Variants in STK32B observed in about 807,000 individuals in gnomAD.
STK32B encodes serine/threonine kinase 32B.
A neutral mutation model predicts 52.6 loss-of-function variants in STK32B; 43 were observed. The observed-to-expected ratio is 0.82, with a 90% CI of 0.64 to 1.05. STK32B has a LOEUF of 1.05. Among genes scored for constraint, STK32B ranks in the 50% least tolerant of loss-of-function variants. The probability of loss-of-function intolerance (pLI) is 0.00; values close to 1 mark genes in which losing one functional copy is unlikely to be tolerated. For synonymous variants in STK32B, 238 were observed against 204.3 expected (o/e 1.17, Z -1.41); for missense variants, 621 against 534.6 (o/e 1.16, Z -1.59).
chr4:5,032,072 A>G, the STK32B span, among the ~76,000 whole-genome samples: 1 of 152,188 alleles, frequency 6.6e-6, no homozygotes, highest in African/African-American at 2.4e-5. Context: ...TTAGCTAAAC[A>G]AATACGTTTT....
intron 3 of STK32B, among the ~76,000 whole-genome samples, chr4:5,174,797 G>C (rs1010146030): frequency 6.6e-6 from 1 of 152,028 alleles, no homozygotes; most frequent in African/African-American, 2.4e-5. Flanking sequence ...TGCTCTTCTC[G>C]AGGAGTATCT....
upstream of STK32B, among the ~76,000 whole-genome samples, chr4:5,046,896 T>C (rs1277578948): frequency 6.6e-6 from 1 of 152,212 alleles, no homozygotes; most frequent in Non-Finnish European, 1.5e-5. Context: ...GGTGAGAATG[T>C]AAATTAGTTC....
At chr4:5,084,935 T>TTTG (rs991446683) in intron 1 of STK32B, among the ~76,000 whole-genome samples, 1 of 152,212 alleles carries the variant, frequency 6.6e-6, no homozygotes, top group African/African-American at 2.4e-5. Flanking sequence ...ATATTTAATG[T>TTTG]AGCAAGGGCC....
At chr4:5,081,263 G>A (rs555105944) in intron 1 of STK32B, among the ~76,000 whole-genome samples, 74 of 152,212 alleles carry the variant, frequency 4.9e-4, no homozygotes, top group African/African-American at 1.7e-3. Flanking sequence ...TATGTGTAGT[G>A]AGTATCTTTT....
chr4:5,438,107 C>A (rs771809947), intron 6 of STK32B: 2 of 985,462 alleles, frequency 2.0e-6, no homozygotes, highest in African/African-American at 3.5e-5. Flanking sequence ...TCGGCACACA[C>A]AGCCATTCTG....
intron 11 of STK32B, among the ~76,000 whole-genome samples, chr4:5,487,533 C>T (rs760167004): frequency 1.2e-4 from 19 of 152,108 alleles, no homozygotes; most frequent in Non-Finnish European, 1.8e-4. Flanking sequence ...CTGGGTGAGA[C>T]GTGTTGTAGC....
chr4:5,339,755 G>A (rs1465554924), intron 4 of STK32B, among the ~76,000 whole-genome samples: 1 of 152,124 alleles, frequency 6.6e-6, no homozygotes, highest in Non-Finnish European at 1.5e-5. Context: ...TTTGGACCTC[G>A]ATTTTCTAAT....
chr4:5,272,885 A>C (rs896968031), intron 3 of STK32B, among the ~76,000 whole-genome samples: 3 of 144,130 alleles, frequency 2.1e-5, no homozygotes, highest in Admixed American at 7.0e-5. Flanking sequence ...AACCATAAAA[A>C]CCCTAGAAGA....
rs116771196 is a variant in STK32B, at chr4:5,330,479, A to C, written c.261-741A>C. On this transcript the variant is annotated intron_variant, in intron 3 of 11. Coordinates refer to ENST00000282908, the MANE Select transcript of STK32B (RefSeq NM_018401.3). ...CACCCTAAAACTTAATGGTGTGAAAACACCACCATTTAATCATCTCATGTT... is the reference window on the plus strand; with the variant it reads ...CACCCTAAAACTTAATGGTGTGAAACCACCACCATTTAATCATCTCATGTT... Among the ~76,000 whole-genome samples the C allele has an allele frequency of 8.1e-3, 1,227 of 152,256 alleles. 13 individuals carry two copies. The highest frequency in any genetic ancestry group is 0.028 in the African/African-American group (1,179 of 41,546).
Position 5,051,704 on chromosome 4 carries a change from C to T in STK32B, c.-160C>T, listed in dbSNP as rs1290899559. 9.4e-6 allele frequency: 8 copies of T among 847,864 alleles called. No individual in the cohort carries two copies. The highest frequency in any genetic ancestry group is 1.0e-5 in the Non-Finnish European group (6 of 573,934). 52.5% of individuals were successfully genotyped at this position (847,864 alleles called of 1,614,324 possible). Reference sequence around the variant, plus strand: ...AGGGCGTCCAGGAGAAGGGGGACGCCGTCCCCGCCCCTGCACGGTGCTCGG... The same window carrying T: ...AGGGCGTCCAGGAGAAGGGGGACGCTGTCCCCGCCCCTGCACGGTGCTCGG... On this transcript the variant is annotated 5_prime_UTR_variant, in exon 1 of 12. Transcript: ENST00000282908.
chr4:5,360,908 T>C (rs1037751067), intron 4 of STK32B, among the ~76,000 whole-genome samples: 1 of 152,218 alleles, frequency 6.6e-6, no homozygotes, highest in African/African-American at 2.4e-5. Flanking sequence ...AAGTCCATTG[T>C]CAATGCTGTG....
chr4:5,403,695 G>A (rs569898586), intron 5 of STK32B, among the ~76,000 whole-genome samples: 2 of 152,286 alleles, frequency 1.3e-5, no homozygotes, highest in African/African-American at 4.8e-5. Flanking sequence ...GGCCATCCAT[G>A]TCAGCACCCA....
chr4:5,077,976 C>T (rs1196276313), intron 1 of STK32B, among the ~76,000 whole-genome samples: 1 of 152,104 alleles, frequency 6.6e-6, no homozygotes, highest in Admixed American at 6.5e-5. Context: ...TCATTGAAAA[C>T]CCTGGTTCTT....
In STK32B at chr4:5,467,793, T is replaced by C. The variant is rs1717559742; in HGVS notation, c.1042-213T>C. On this transcript the variant is annotated intron_variant, in intron 10 of 11. Coordinates refer to ENST00000282908, the MANE Select transcript of STK32B (RefSeq NM_018401.3). The surrounding 1 kb of genome is among the most constrained non-coding windows in gnomAD (Gnocchi z 5.8). ...GGCTTTTAAGTTGGATTTCATGGCT[T>C]AACGTGGAGAAAAGCATCTTTGTCC... 6.6e-6 allele frequency among the ~76,000 whole-genome samples: 1 copy of C among 152,100 alleles called. No homozygotes were observed. The highest frequency in any genetic ancestry group is 2.4e-5 in the African/African-American group (1 of 41,422).
intron 2 of STK32B, among the ~76,000 whole-genome samples, chr4:5,149,056 G>A (rs370340337): frequency 1.9e-4 from 29 of 151,316 alleles, no homozygotes; most frequent in Admixed American, 1.2e-3. Context: ...TGCTTATTGC[G>A]TTCAGACATT....
chr4:5,416,955 C>G (rs1001257530), intron 6 of STK32B, 21 bp downstream of exon 6: 3 of 1,600,838 alleles, frequency 1.9e-6, no homozygotes, highest in African/African-American at 2.7e-5. Flanking sequence ...CAGGCCCCTT[C>G]TTTTCATGTG....
At chr4:5,374,840 C>A (rs1735481824) in intron 4 of STK32B, among the ~76,000 whole-genome samples, 1 of 151,982 alleles carries the variant, frequency 6.6e-6, no homozygotes, top group African/African-American at 2.4e-5. Context: ...ACAGTGAGAC[C>A]AGAAAAATGC....
upstream of STK32B, among the ~76,000 whole-genome samples, chr4:5,047,842 T>A (rs1177265148): frequency 4.6e-5 from 7 of 152,202 alleles, no homozygotes. Context: ...TGTGATCTTA[T>A]CTGGGAAAAC....
chr4:5,420,802 G>A (rs777902264), intron 6 of STK32B, among the ~76,000 whole-genome samples: 10 of 152,186 alleles, frequency 6.6e-5, no homozygotes, highest in South Asian at 6.2e-4. Context: ...CTACCGATTC[G>A]TTCTGACTGC....
Sources: gnomAD v4.1 joint callset for allele counts (sites outside exome capture counted in the v4.1 genomes callset) on GRCh38, gnomAD v4.1.1 for gene constraint, Gnocchi (gnomAD v3.1) non-coding constraint, MANE v1.5 for transcripts, NCBI Gene and HGNC (gene_info 2026-07-23, HGNC 2026-07-21) for gene names.